The following KNDC1 variants were observed in gnomAD, a reference collection of about 807,000 sequenced individuals.
KNDC1 encodes kinase non-catalytic C-lobe domain containing 1.
KNDC1 carries 106 observed loss-of-function variants against 172.8 expected under a neutral mutation model. The ratio of observed to expected loss-of-function variants is 0.61; its 90% CI spans 0.52 to 0.72. KNDC1 has a LOEUF of 0.72. Among genes scored for constraint, KNDC1 ranks in the 30% least tolerant of loss-of-function variants. The probability of loss-of-function intolerance (pLI) is 0.00; values close to 1 mark genes in which losing one functional copy is unlikely to be tolerated. For missense variants in KNDC1, 2,325 were observed against 2,394.5 expected (o/e 0.97, Z 0.61); for synonymous variants, 1,083 against 1,062.2 (o/e 1.02, Z -0.38).
At chr10:133,179,472 C>A (rs1299047800) in intron 3 of KNDC1, 2 of 152,334 alleles carry the variant, frequency 1.3e-5, no homozygotes, top group African/African-American at 4.8e-5. Flanking sequence ...GGACCCTGAT[C>A]CAAGAATCTC....
intron 12 of KNDC1, 107 bp from the exon 13 acceptor site, chr10:133,198,230 C>T (rs1019845897): frequency 2.3e-5 from 30 of 1,305,424 alleles, no homozygotes; most frequent in Middle Eastern, 2.7e-4. Flanking sequence ...GGAGGGGACG[C>T]GGCACCACGC....
In KNDC1 at chr10:133,185,985, A is replaced by C. The variant is rs139924956; in HGVS notation, c.637A>C (p.Ser213Arg). Residue 213 changes from serine (S) to arginine (R), a missense_variant, in exon 6 of 30, where the codon AGC (serine) becomes CGC (arginine). Ser to Arg is a moderately radical substitution (Grantham distance 110). Transcript: ENST00000304613. Reference sequence around the variant, plus strand: ...TTGCTTGTGCCCAGATGTCAGCGAGAGCAGCTGGCGGGAGAGACCTGCCCC... The same window carrying C: ...TTGCTTGTGCCCAGATGTCAGCGAGCGCAGCTGGCGGGAGAGACCTGCCCC... ...SFGALQDVSE[S>R]SWRERPAPGN... 5.7e-6 allele frequency: 8 copies of C among 1,402,128 alleles called. No individual in the cohort carries two copies. The African/African-American group carries it at 1.2e-4, about 21-fold the overall frequency. 86.9% of individuals were successfully genotyped at this position (1,402,128 alleles called of 1,614,324 possible).
chr10:133,218,954 G>A lies in KNDC1; in HGVS notation c.4800+1G>A, dbSNP rs1234766196. 1 of 1,613,678 alleles carries A rather than the reference G, an allele frequency of 6.2e-7. No homozygotes were observed. Among genetic ancestry groups the A allele is most frequent in the Admixed American group, 1.7e-5 (1 of 60,012 alleles). On this transcript the variant is annotated splice_donor_variant, in intron 27 of 29. Transcript: ENST00000304613. LOFTEE classifies it high-confidence loss of function. ...GCACCTGGCCGTGAGGCAGTCCCCTGTGCGTCCCCCTCGGGCCCCAAGGCG... is the reference window on the plus strand; with the variant it reads ...GCACCTGGCCGTGAGGCAGTCCCCTATGCGTCCCCCTCGGGCCCCAAGGCG...
At chr10:133,199,336 GC>G in intron 14 of KNDC1, 70 bp downstream of exon 14, 1 of 1,550,664 alleles carries the variant, frequency 6.4e-7, no homozygotes, top group Non-Finnish European at 8.7e-7. Flanking sequence ...ACTCGGGGCC[GC>G]CCCACGCCCT....
Position 133,183,346 on chromosome 10 carries a change from G to A in KNDC1, c.363G>A (p.Ala121=), listed in dbSNP as rs748936831. The A allele has an allele frequency of 1.0e-5, 16 of 1,591,464 alleles. No homozygotes were observed. Among genetic ancestry groups the A allele is most frequent in the South Asian group, 5.7e-5 (5 of 88,062 alleles). The stretch of plus-strand genomic sequence containing the variant: ...CTGACAGCCTGTCGTGCCCACAGGC[G>A]CACATCTACTCTCTGGGGGCCACGC... The part of the protein sequence containing the change: ...EFDVTGNTFE[A]HIYSLGATLK... Residue 121 remains alanine, a splice_region_variant and synonymous_variant, in exon 4 of 30, where the codon GCG becomes GCA. Transcript: ENST00000304613.
intron 3 of KNDC1, among the ~76,000 whole-genome samples, chr10:133,177,450 G>A (rs1287198132): frequency 6.6e-6 from 1 of 151,582 alleles, no homozygotes; most frequent in Non-Finnish European, 1.5e-5. Context: ...AATGTGGTAT[G>A]CATCTTGTAC....
In KNDC1 at chr10:133,198,752, G is replaced by T; in HGVS notation, c.2244G>T (p.Ala748=). 6.3e-7 allele frequency: 1 copy of T among 1,583,132 alleles called. No individual in the cohort carries two copies. The highest frequency in any genetic ancestry group is 2.3e-5 in the East Asian group (1 of 43,050). The part of the protein sequence containing the change: ...PQGAAPEPLG[A]SVQRDSAQGR... Reference sequence around the variant, plus strand: ...GAGCAGCCCCAGAGCCTCTTGGGGCGTCAGTGCAGCGTGACTCAGCCCAGG... The same window carrying T: ...GAGCAGCCCCAGAGCCTCTTGGGGCTTCAGTGCAGCGTGACTCAGCCCAGG... The change falls in exon 14 of 30, where the codon GCG becomes GCT. Residue 748 remains alanine, a synonymous_variant. Transcript: ENST00000304613.
At chr10:133,223,724 CGT>C (rs1187599990) in intron 29 of KNDC1, among the ~76,000 whole-genome samples, 1 of 83,544 alleles carries the variant, frequency 1.2e-5, no homozygotes. Flanking sequence ...CTCTTCCCGG[CGT>C]GTGTGTGTGT....
At chr10:133,213,813 C>A in intron 25 of KNDC1, 86 bp downstream of exon 25, 2 of 1,448,540 alleles carry the variant, frequency 1.4e-6, no homozygotes, top group Non-Finnish European at 1.9e-6. Flanking sequence ...TCCTGACCAG[C>A]AGGAGATGCC....
At chr10:133,179,618 C>T (rs544997264) in intron 3 of KNDC1, among the ~76,000 whole-genome samples, 7 of 152,314 alleles carry the variant, frequency 4.6e-5, no homozygotes, top group African/African-American at 1.7e-4. Context: ...TTGGCTTGAC[C>T]GCGTTTGCTC....
At chr10:133,212,970 C>A in intron 24 of KNDC1, 48 bp downstream of exon 24, 1 of 1,535,774 alleles carries the variant, frequency 6.5e-7, no homozygotes, top group African/African-American at 1.4e-5. Context: ...AGTCGGGGCC[C>A]CAGAAACACT....
chr10:133,203,923 C>A (rs1447394690), intron 17 of KNDC1, among the ~76,000 whole-genome samples: 1 of 152,256 alleles, frequency 6.6e-6, no homozygotes, highest in Non-Finnish European at 1.5e-5. Context: ...AGAGAGGAGT[C>A]TGCGTGAGCT....
At chr10:133,219,300 G>A (rs527574501) in intron 28 of KNDC1, among the ~76,000 whole-genome samples, 2 of 152,340 alleles carry the variant, frequency 1.3e-5, no homozygotes, top group Non-Finnish European at 2.9e-5. Flanking sequence ...GCTCGGTCCC[G>A]GGGCCTTGCT....
chr10:133,181,880 C>T (rs1853729416), intron 3 of KNDC1, among the ~76,000 whole-genome samples: 1 of 140,008 alleles, frequency 7.1e-6, no homozygotes, highest in Non-Finnish European at 1.6e-5. Context: ...GGAAGTGGAA[C>T]CACCTGCGAG....
At chr10:133,179,857 CG>C (rs1190523019) in intron 3 of KNDC1, among the ~76,000 whole-genome samples, 5 of 152,204 alleles carry the variant, frequency 3.3e-5, no homozygotes, top group South Asian at 4.1e-4. Context: ...CATGCCTGAT[CG>C]GCCTCCCTCC....
intron 9 of KNDC1, among the ~76,000 whole-genome samples, chr10:133,190,270 A>G (rs1349799061): frequency 1.5e-5 from 2 of 136,620 alleles, no homozygotes; most frequent in Non-Finnish European, 3.0e-5. Flanking sequence ...CTAAACAAAC[A>G]CCCTGCAATA....
At chr10:133,223,329 G>GCA (rs1215999671) in intron 29 of KNDC1, among the ~76,000 whole-genome samples, 1 of 62,124 alleles carries the variant, frequency 1.6e-5, no homozygotes, top group Admixed American at 1.7e-4. Context: ...GCGTGTGTGT[G>GCA]TGTGTGTGAG....
At chr10:133,166,609 A>G (rs3008301) in intron 1 of KNDC1, among the ~76,000 whole-genome samples, 79,581 of 151,846 alleles carry the variant, frequency 0.52, 21,175 homozygotes, top group Admixed American at 0.63. Context: ...GTGTGCACAC[A>G]CCTTGCACCA....
chr10:133,168,210 G>A lies in KNDC1; in HGVS notation c.302-44G>A, dbSNP rs1383918605. 8 of 1,580,872 alleles carry A rather than the reference G, an allele frequency of 5.1e-6. No individual in the cohort carries two copies. In the Admixed American group the frequency reaches 1.3e-4, roughly 26 times the overall value. On this transcript the variant is annotated intron_variant, in intron 2 of 29. Transcript: ENST00000304613. The stretch of plus-strand genomic sequence containing the variant: ...CTCAGCTGGCGGGTTCAGGTTTGCA[G>A]GTGTGACCAGAAGCCTTCTCTCCTT...
Sources: allele counts gnomAD v4.1 joint callset (sites outside exome capture counted in the v4.1 genomes callset), GRCh38; gene constraint gnomAD v4.1.1; transcripts MANE v1.5; gene names NCBI Gene and HGNC (gene_info 2026-07-23, HGNC 2026-07-21).